KCNIP4: variants seen among roughly 807,000 people sequenced by gnomAD.
KCNIP4 encodes potassium voltage-gated channel interacting protein 4, also known as Kv channel-interacting protein 4.
In KCNIP4, 12 loss-of-function variants were observed where a neutral mutation model predicts 34.0. The ratio of observed to expected loss-of-function variants is 0.35; its 90% confidence interval spans 0.23 to 0.57. The LOEUF is 0.57. Ranked by LOEUF, KCNIP4 falls within the 20% of genes least tolerant of loss-of-function variation. The probability of loss-of-function intolerance (pLI) is 0.83; values close to 1 mark genes in which losing one functional copy is unlikely to be tolerated. For missense variants in KCNIP4, 238 were observed against 311.7 expected, an observed-to-expected ratio of 0.76 and a Z score of 1.78; for synonymous variants, 124 against 102.2, an observed-to-expected ratio of 1.21 and a Z score of -1.29.
chr4:21,534,999 A>G (rs1037500051), intron 1 of KCNIP4, among the ~76,000 whole-genome samples: 4 of 151,678 alleles, frequency 2.6e-5, no homozygotes, highest in African/African-American at 9.7e-5. Context: ...TTTCCATTCC[A>G]TCTCATTCCA....
chr4:21,709,418 A>T (rs1332913563), intron 1 of KCNIP4, among the ~76,000 whole-genome samples: 1 of 152,222 alleles, frequency 6.6e-6, no homozygotes, highest in African/African-American at 2.4e-5. Context: ...ATTCCTGAAG[A>T]CATAGCAATT....
At chr4:21,900,702 C>T in intron 1 of KCNIP4, among the ~76,000 whole-genome samples, 1 of 152,134 alleles carries the variant, frequency 6.6e-6, no homozygotes, top group East Asian at 1.9e-4. Context: ...TATGTCTAGT[C>T]CCTAGGAATA....
intron 1 of KCNIP4, among the ~76,000 whole-genome samples, chr4:21,422,656 TG>T (rs1725579086): frequency 8.2e-6 from 1 of 122,090 alleles, no homozygotes; most frequent in Non-Finnish European, 1.8e-5. Flanking sequence ...TTTATGTGTG[TG>T]TTTGTGTGTG....
chr4:21,034,324 A>T (rs554549957), intron 1 of KCNIP4, among the ~76,000 whole-genome samples: 1 of 152,216 alleles, frequency 6.6e-6, no homozygotes, highest in Non-Finnish European at 1.5e-5. Flanking sequence ...ATTGAAAACA[A>T]ATCAGCCTGG....
At chr4:21,822,722 T>TC (rs1367906609) in intron 1 of KCNIP4, among the ~76,000 whole-genome samples, 1 of 150,432 alleles carries the variant, frequency 6.6e-6, no homozygotes, top group African/African-American at 2.4e-5. Context: ...AATTTTCCTT[T>TC]TTTTTTTTTT....
At chr4:21,864,053 A>G (rs953794525) in intron 1 of KCNIP4, among the ~76,000 whole-genome samples, 1 of 152,220 alleles carries the variant, frequency 6.6e-6, no homozygotes, top group Non-Finnish European at 1.5e-5. Flanking sequence ...TGAAACTCTG[A>G]TGAATAGTGA....
At chr4:21,839,042 T>A (rs1723521655) in intron 1 of KCNIP4, among the ~76,000 whole-genome samples, 1 of 152,168 alleles carries the variant, frequency 6.6e-6, no homozygotes, top group Non-Finnish European at 1.5e-5. Context: ...ATTAAAATAA[T>A]CATTTAGAAG....
intron 1 of KCNIP4, among the ~76,000 whole-genome samples, chr4:21,643,911 G>C (rs1016343703): frequency 2.1e-5 from 3 of 142,134 alleles, no homozygotes; most frequent in Admixed American, 7.9e-5. Flanking sequence ...TAGATAGATA[G>C]ATAGACTGGC....
At chr4:21,945,132 G>A (rs538044735) in intron 1 of KCNIP4, among the ~76,000 whole-genome samples, 5 of 152,154 alleles carry the variant, frequency 3.3e-5, no homozygotes, top group African/African-American at 1.2e-4. Context: ...TAAATAAAAG[G>A]ACAAAAAATA....
chr4:20,910,234 T>A (rs1227578175), intron 1 of KCNIP4, among the ~76,000 whole-genome samples: 1 of 152,188 alleles, frequency 6.6e-6, no homozygotes, highest in Admixed American at 6.5e-5. Context: ...GACTTATTTT[T>A]TTTTTAAAGA....
At chr4:20,934,384 G>C (rs12648562) in intron 1 of KCNIP4, among the ~76,000 whole-genome samples, 19,986 of 151,862 alleles carry the variant, frequency 0.13, 1,830 homozygotes, top group African/African-American at 0.27. Flanking sequence ...CAATTTACTA[G>C]ATCATTCCAC....
chr4:21,464,792 C>T (rs1244492372), intron 1 of KCNIP4: 2 of 152,026 alleles, frequency 1.3e-5, no homozygotes, highest in African/African-American at 2.4e-5. Flanking sequence ...ATGTTCCATA[C>T]CAAAGCAGCA....
At chr4:21,441,182 C>T (rs1362309241) in intron 1 of KCNIP4, among the ~76,000 whole-genome samples, 2 of 149,924 alleles carry the variant, frequency 1.3e-5, no homozygotes, top group African/African-American at 4.9e-5. Flanking sequence ...TGCTCTGTTG[C>T]CCAGGCTGGA....
intron 1 of KCNIP4, among the ~76,000 whole-genome samples, chr4:21,004,688 T>C (rs527489239): frequency 2.6e-5 from 4 of 152,294 alleles, no homozygotes; most frequent in African/African-American, 7.2e-5. Flanking sequence ...TTTTCACACT[T>C]CATGAATTAT....
intron 1 of KCNIP4, among the ~76,000 whole-genome samples, chr4:21,768,965 G>A (rs950298182): frequency 6.6e-6 from 1 of 151,596 alleles, no homozygotes; most frequent in Non-Finnish European, 1.5e-5. Flanking sequence ...TTATTTGTTT[G>A]ATGTAGCAAT....
At chr4:21,219,191 G>A (rs1292037947) in intron 1 of KCNIP4, among the ~76,000 whole-genome samples, 2 of 152,146 alleles carry the variant, frequency 1.3e-5, no homozygotes, top group Non-Finnish European at 2.9e-5. Flanking sequence ...ATGGGTCCAT[G>A]TATGGAAGAT....
At chr4:21,383,560 T>C (rs1721736228) in intron 1 of KCNIP4, among the ~76,000 whole-genome samples, 1 of 150,994 alleles carries the variant, frequency 6.6e-6, no homozygotes, top group Non-Finnish European at 1.5e-5. Context: ...CAATTACTCA[T>C]GCAAAAACCC....
At chr4:21,582,448 C>G (rs1201952265) in intron 1 of KCNIP4, 4 of 151,792 alleles carry the variant, frequency 2.6e-5, no homozygotes, top group African/African-American at 9.7e-5. Flanking sequence ...TTTTTTTAAC[C>G]TAATTTTCTG....
chr4:21,240,388 A>G (rs1759721939), intron 1 of KCNIP4, among the ~76,000 whole-genome samples: 1 of 152,080 alleles, frequency 6.6e-6, no homozygotes, highest in Non-Finnish European at 1.5e-5. Flanking sequence ...TAATAAAATG[A>G]AAAAATTTAA....
Sources: allele counts gnomAD v4.1 joint callset (sites outside exome capture counted in the v4.1 genomes callset), GRCh38; gene constraint gnomAD v4.1.1; transcripts MANE v1.5; gene names NCBI Gene and HGNC (gene_info 2026-07-23, HGNC 2026-07-21).